Variants in AMD1 observed in about 807,000 individuals in gnomAD.
AMD1 encodes S-adenosylmethionine decarboxylase proenzyme.
In AMD1, 11 loss-of-function variants were observed where a neutral mutation model predicts 40.2. The observed-to-expected ratio is 0.27, with a 90% confidence interval of 0.17 to 0.45. AMD1 has a LOEUF of 0.45. Ranked by LOEUF, AMD1 falls within the 20% of genes least tolerant of loss-of-function variation. The probability of loss-of-function intolerance (pLI) is 1.00; values close to 1 mark genes in which losing one functional copy is unlikely to be tolerated. For missense variants in AMD1, 257 were observed against 410.2 expected, an observed-to-expected ratio of 0.63 and a Z score of 3.23; for synonymous variants, 121 against 130.8, an observed-to-expected ratio of 0.93 and a Z score of 0.51.
At chr6:110,845,802 C>T in the AMD1 span, among the ~76,000 whole-genome samples, 1 of 152,140 alleles carries the variant, frequency 6.6e-6, no homozygotes, top group Admixed American at 6.5e-5. Context: ...GCCTTGTGAT[C>T]GTGTGAGTCA....
upstream of AMD1, among the ~76,000 whole-genome samples, chr6:110,872,215 CATAT>C (rs1400348437): frequency 1.3e-5 from 2 of 152,146 alleles, no homozygotes; most frequent in Non-Finnish European, 2.9e-5. Context: ...AGGGACCACA[CATAT>C]AGACATGTCT....
At chr6:110,880,689 G>A (rs146930226) in intron 1 of AMD1, among the ~76,000 whole-genome samples, 3 of 152,076 alleles carry the variant, frequency 2.0e-5, no homozygotes, top group African/African-American at 7.2e-5. Context: ...CTTTTTTTGA[G>A]ACACGCTTGT....
the AMD1 span, among the ~76,000 whole-genome samples, chr6:110,844,706 G>A: frequency 7.9e-5 from 12 of 151,620 alleles, no homozygotes; most frequent in Admixed American, 1.3e-4. Context: ...GCTTGAACCC[G>A]GGAGGCAGAG....
the AMD1 span, among the ~76,000 whole-genome samples, chr6:110,835,071 T>C: frequency 6.8e-6 from 1 of 146,086 alleles, no homozygotes; most frequent in Non-Finnish European, 1.5e-5. Flanking sequence ...CAGGCTGGAG[T>C]GCAGTGGCAC....
chr6:110,863,268 G>A, the AMD1 span, among the ~76,000 whole-genome samples: 1 of 150,370 alleles, frequency 6.7e-6, no homozygotes, highest in African/African-American at 2.4e-5. Flanking sequence ...TTTTAAGTTG[G>A]AATGAGTCTC....
intron 2 of AMD1, 71 bp from the exon 3 acceptor site, chr6:110,888,786 T>C: frequency 6.9e-7 from 1 of 1,458,608 alleles, no homozygotes; most frequent in Non-Finnish European, 9.3e-7. Context: ...TAAATGATAA[T>C]TAAATTGGTT....
At chr6:110,876,999 TGGAGAGA>T (rs1785148865) in intron 1 of AMD1, among the ~76,000 whole-genome samples, 1 of 152,172 alleles carries the variant, frequency 6.6e-6, no homozygotes, top group Non-Finnish European at 1.5e-5. Flanking sequence ...TGAGTCAAAG[TGGAGAGA>T]GGAGGAAGAG....
intron 1 of AMD1, among the ~76,000 whole-genome samples, chr6:110,884,850 G>C (rs894438689): frequency 1.2e-4 from 18 of 152,320 alleles, no homozygotes; most frequent in Admixed American, 8.5e-4. Context: ...TTGTTAGTGC[G>C]TCCAGTGGGT....
chr6:110,823,140 A>G, the AMD1 span, among the ~76,000 whole-genome samples: 1 of 152,170 alleles, frequency 6.6e-6, no homozygotes, highest in Non-Finnish European at 1.5e-5. Flanking sequence ...AATTATCTCA[A>G]TAGATGCAGA....
intron 1 of AMD1, among the ~76,000 whole-genome samples, chr6:110,885,116 T>G (rs1345980292): frequency 6.6e-6 from 1 of 151,996 alleles, no homozygotes; most frequent in East Asian, 1.9e-4. Flanking sequence ...TTCCCACGAG[T>G]AGTTTGTTTA....
intron 1 of AMD1, among the ~76,000 whole-genome samples, chr6:110,885,814 AT>A (rs754269564): frequency 6.6e-6 from 1 of 152,198 alleles, no homozygotes; most frequent in Non-Finnish European, 1.5e-5. Flanking sequence ...TGGTACGCAG[AT>A]GGGTCAGTAA....
intron 1 of AMD1, among the ~76,000 whole-genome samples, chr6:110,885,796 A>AT (rs761257427): frequency 5.3e-5 from 8 of 152,138 alleles, no homozygotes; most frequent in Non-Finnish European, 1.0e-4. Context: ...AGATTTTTGG[A>AT]TGGGTATTGG....
At chr6:110,888,043 G>A (rs1480703157) in intron 2 of AMD1, among the ~76,000 whole-genome samples, 1 of 152,080 alleles carries the variant, frequency 6.6e-6, no homozygotes, top group African/African-American at 2.4e-5. Flanking sequence ...GTGTAACGTG[G>A]ATGTTTCTAG....
chr6:110,887,405 TA>T, intron 1 of AMD1, 99 bp from the exon 2 acceptor site: 2 of 747,258 alleles, frequency 2.7e-6, no homozygotes, highest in Non-Finnish European at 2.2e-6. Context: ...CAATATTAAT[TA>T]AAAATGTGGT....
intron 1 of AMD1, among the ~76,000 whole-genome samples, chr6:110,884,400 C>G (rs1785574123): frequency 6.6e-6 from 1 of 152,154 alleles, no homozygotes; most frequent in Non-Finnish European, 1.5e-5. Flanking sequence ...TGACATGGAC[C>G]AAGACTTTAA....
chr6:110,856,726 T>A, the AMD1 span, among the ~76,000 whole-genome samples: 7 of 152,206 alleles, frequency 4.6e-5, no homozygotes, highest in African/African-American at 1.7e-4. Context: ...ATGGACTTTC[T>A]AAGTTGGACT....
At position 110,894,969 on chromosome 6, in the gene AMD1, AT is replaced by A; in HGVS notation, c.*1354del. The stretch of plus-strand genomic sequence containing the variant: ...AATAAGTAGAATATGAATAAATAGA[AT>A]AATAAAATTCCAAAATACTCAATGG... On this transcript the variant is annotated 3_prime_UTR_variant, in exon 9 of 9. Coordinates refer to ENST00000368885, the MANE Select transcript of AMD1 (RefSeq NM_001634.6). The A allele has an allele frequency of 6.6e-6, 1 of 152,230 alleles. No individual in the cohort carries two copies. The highest frequency in any genetic ancestry group is 1.9e-4 in the East Asian group (1 of 5,204). 9.4% of individuals were successfully genotyped at this position (152,230 alleles called of 1,614,324 possible).
the AMD1 span, chr6:110,815,241 T>TCG: frequency 3.3e-3 from 3,693 of 1,130,196 alleles, 18 homozygotes; most frequent in East Asian, 0.017. Flanking sequence ...CAGCCGCCTC[T>TCG]CGCGCGCGCG....
chr6:110,847,661 C>A, the AMD1 span, among the ~76,000 whole-genome samples: 2 of 151,856 alleles, frequency 1.3e-5, no homozygotes, highest in Admixed American at 6.6e-5. Context: ...AGATGCTTAT[C>A]CTATCTACAA....
Sources: gnomAD v4.1 joint callset for allele counts (sites outside exome capture counted in the v4.1 genomes callset) on GRCh38, gnomAD v4.1.1 for gene constraint, MANE v1.5 for transcripts, NCBI Gene and HGNC (gene_info 2026-07-23, HGNC 2026-07-21) for gene names.